PHF7: variants seen among roughly 807,000 people sequenced by gnomAD.
PHF7 encodes the protein PHD finger protein 7, also known as E3 ubiquitin-protein ligase PHF7.
In PHF7, 24 loss-of-function variants were observed where a neutral mutation model predicts 47.5. That is an observed-to-expected ratio of 0.51 (90% CI 0.37 to 0.71). The LOEUF is 0.71. Among genes scored for constraint, PHF7 ranks in the 30% least tolerant of loss-of-function variants. The pLI, the probability that PHF7 is intolerant of heterozygous loss-of-function variation, is 0.00. For missense variants in PHF7, 361 were observed against 456.8 expected (o/e 0.79, Z 1.91); for synonymous variants, 156 against 153.8 (o/e 1.01, Z -0.11).
intron 9 of PHF7, 159 bp downstream of exon 9, chr3:52,422,497 T>A: frequency 1.5e-6 from 1 of 667,752 alleles, no homozygotes; most frequent in Non-Finnish European, 2.7e-6. Context: ...CTCACTTGTG[T>A]GCACGTGAAC....
chr3:52,417,566 T>G (rs1705662388), intron 4 of PHF7, among the ~76,000 whole-genome samples: 1 of 152,256 alleles, frequency 6.6e-6, no homozygotes, highest in African/African-American at 2.4e-5. Flanking sequence ...TATTTTTATT[T>G]CATTTTTAAG....
rs1239248965 is a variant in PHF7, at chr3:52,423,262, A to G, written c.1091A>G (p.Tyr364Cys). Residue 364 changes from tyrosine to cysteine, a missense_variant, in exon 11 of 11, where the codon TAC (tyrosine) becomes TGC (cysteine). Physicochemically the swap from Tyr to Cys is radical, Grantham distance 194. Coordinates refer to ENST00000327906, the MANE Select transcript of PHF7 (RefSeq NM_016483.7). ...GAGTCCTCTCGTGGCAGGAGGAGCT[A>G]CTCCTGGAGGTCCAAGGGTGTCAGA... is the stretch of plus-strand genomic sequence containing the variant. ...KPESSRGRRS[Y>C]SWRSKGVRIT... 1 of 1,613,790 alleles carries G rather than the reference A, an allele frequency of 6.2e-7. No homozygotes were observed. The highest frequency in any genetic ancestry group is 1.3e-5 in the African/African-American group (1 of 74,882).
At chr3:52,414,666 T>C (rs1705566608) in intron 4 of PHF7, 79 bp downstream of exon 4, 1 of 774,690 alleles carries the variant, frequency 1.3e-6, no homozygotes, top group South Asian at 1.6e-5. Flanking sequence ...TTCATCCTCA[T>C]ATCCACAGCC....
chr3:52,422,094 T>G (rs1705807773), intron 8 of PHF7, 128 bp from the exon 9 acceptor site: 2 of 735,472 alleles, frequency 2.7e-6, no homozygotes, highest in Non-Finnish European at 5.0e-6. Flanking sequence ...CCAGCCTTGT[T>G]GGAAGTGTTC....
intron 1 of PHF7, among the ~76,000 whole-genome samples, chr3:52,411,972 T>C (rs566701633): frequency 6.6e-6 from 1 of 152,028 alleles, no homozygotes. Flanking sequence ...TCCCAGCACT[T>C]TGGGAGGCTG....
intron 3 of PHF7, 59 bp from the exon 4 acceptor site, chr3:52,414,437 C>T (rs986216543): frequency 3.2e-6 from 3 of 935,312 alleles, no homozygotes; most frequent in East Asian, 2.4e-5. Flanking sequence ...ACATTCTCAC[C>T]CTTCTCTTCC....
intron 9 of PHF7, 176 bp from the exon 10 acceptor site, chr3:52,422,584 C>T: frequency 1.4e-6 from 1 of 708,564 alleles, no homozygotes. Context: ...CCTAATCTAC[C>T]TTTCAAGGGG....
chr3:52,414,480 G>C lies in PHF7; in HGVS notation c.95-16G>C. 6.6e-7 allele frequency: 1 copy of C among 1,510,920 alleles called. No individual in the cohort carries two copies. 93.6% of individuals were successfully genotyped at this position (1,510,920 alleles called of 1,614,324 possible). A position where few individuals can be genotyped will look rare whatever the true frequency, so the allele number is the denominator to read the frequency against. ...ATGGTCAATTTGAGCCAAATTCTGGGTGTCCTCTCTTCCAGTTTGCTGGCT... is the reference window on the plus strand; with the variant it reads ...ATGGTCAATTTGAGCCAAATTCTGGCTGTCCTCTCTTCCAGTTTGCTGGCT... On this transcript the variant is annotated splice_polypyrimidine_tract_variant and intron_variant, in intron 3 of 10. Transcript: ENST00000327906.
At chr3:52,412,388 T>G in intron 1 of PHF7, among the ~76,000 whole-genome samples, 1 of 152,184 alleles carries the variant, frequency 6.6e-6, no homozygotes, top group Non-Finnish European at 1.5e-5. Context: ...AAGGAGCCTT[T>G]TTTTCCTGAG....
intron 2 of PHF7, among the ~76,000 whole-genome samples, chr3:52,413,668 C>T (rs1705532874): frequency 6.6e-6 from 1 of 152,192 alleles, no homozygotes; most frequent in African/African-American, 2.4e-5. Context: ...AACCCCGTCT[C>T]TACTAAAAAT....
chr3:52,420,971 T>A lies in PHF7; in HGVS notation c.482T>A (p.Ile161Asn), dbSNP rs994024594. 4 of 1,613,684 alleles carry A rather than the reference T, an allele frequency of 2.5e-6. No homozygotes were observed. The Admixed American group carries it at 6.7e-5, about 27-fold the overall frequency. Residue 161 changes from isoleucine (I) to asparagine (N), a missense_variant, in exon 7 of 11, where the codon ATC becomes AAC. By Grantham distance (149) the Ile-to-Asn change is moderately radical (BLOSUM62 -3). Coordinates refer to ENST00000327906, the MANE Select transcript of PHF7 (RefSeq NM_016483.7). ...QHGHVGEESCILCCEDLSQQS... is the reference protein window; with the variant it reads ...QHGHVGEESCNLCCEDLSQQS... ...GGGCATGTGGGGGAGGAAAGCTGCA[T>A]CTTATGTTGTGAAGACTTATCCCAA...
In PHF7 at chr3:52,423,570, T is replaced by TA. The variant is rs1705864170; in HGVS notation, c.*255dup. 2.5e-6 allele frequency: 1 copy of TA among 394,628 alleles called. No homozygotes were observed. Among genetic ancestry groups the TA allele is most frequent in the African/African-American group, 2.0e-5 (1 of 49,620 alleles). 24.4% of individuals were successfully genotyped at this position (394,628 alleles called of 1,614,324 possible). ...CCTCCCACCAAGGATTCTTCCACCT[T>TA]AATCTTGTTTTCATATGCCTCTTCT... On this transcript the variant is annotated 3_prime_UTR_variant, in exon 11 of 11. Transcript: ENST00000327906.
chr3:52,414,746 C>T (rs562444689), intron 4 of PHF7, 159 bp downstream of exon 4: 19 of 389,912 alleles, frequency 4.9e-5, no homozygotes, highest in African/African-American at 1.7e-4. Flanking sequence ...CAGTGGCTCA[C>T]GCCTGTAATC....
intron 6 of PHF7, 29 bp downstream of exon 6, chr3:52,420,464 T>C: frequency 6.2e-7 from 1 of 1,612,042 alleles, no homozygotes; most frequent in Non-Finnish European, 8.5e-7. Context: ...AAGTCTGGCT[T>C]CCTTTTTGCA....
chr3:52,423,082 TC>T lies in PHF7; in HGVS notation c.920-8del. 6.3e-7 allele frequency: 1 copy of T among 1,593,624 alleles called. No individual in the cohort carries two copies. The highest frequency in any genetic ancestry group is 8.6e-7 in the Non-Finnish European group (1 of 1,161,586). Reference sequence around the variant, plus strand: ...CTTGAGTTTTCCTCTCCTGCCTTTCTCTCACCAGACTACATACCTGAAAACT... The same window carrying T: ...CTTGAGTTTTCCTCTCCTGCCTTTCTTCACCAGACTACATACCTGAAAACT... On this transcript the variant is annotated splice_region_variant and splice_polypyrimidine_tract_variant and intron_variant, in intron 10 of 10. Coordinates refer to ENST00000327906, the MANE Select transcript of PHF7 (RefSeq NM_016483.7).
chr3:52,422,533 A>C (rs1705823234), intron 9 of PHF7, 195 bp downstream of exon 9: 2 of 648,688 alleles, frequency 3.1e-6, no homozygotes, highest in Non-Finnish European at 5.5e-6. Flanking sequence ...GGTCCGCTTC[A>C]CCTTGTGCCC....
chr3:52,419,870 A>G lies in PHF7; in HGVS notation c.224A>G (p.Asn75Ser), dbSNP rs1446282679. 1 of 1,609,950 alleles carries G rather than the reference A, an allele frequency of 6.2e-7. No individual in the cohort carries two copies. The highest frequency in any genetic ancestry group is 1.3e-5 in the African/African-American group (1 of 74,970). ...SSKLPQRGQS[N>S]RGFHGFLPED... is the part of the protein sequence containing the mutation. The stretch of plus-strand genomic sequence containing the variant: ...AAGCTGCCTCAGAGGGGCCAGTCCA[A>G]CAGAGGCTTCCATGGATTTCTGCCT... Residue 75 changes from asparagine to serine, a missense_variant, in exon 5 of 11, where the codon AAC (asparagine) becomes AGC (serine). Physicochemically the swap from Asn to Ser is conservative, Grantham distance 46. Transcript: ENST00000327906.
At chr3:52,415,010 A>G (rs774335130) in intron 4 of PHF7, among the ~76,000 whole-genome samples, 1 of 152,152 alleles carries the variant, frequency 6.6e-6, no homozygotes, top group African/African-American at 2.4e-5. Flanking sequence ...AAAGAAAAAT[A>G]TATGTGTCTG....
rs878970676 is a variant in PHF7 at position 52,423,583 on chromosome 3, A to T, written c.*266A>T. 82 of 361,068 alleles carry T rather than the reference A, an allele frequency of 2.3e-4. No individual in the cohort carries two copies. Among genetic ancestry groups the T allele is most frequent in the Non-Finnish European group, 3.6e-4 (72 of 198,188 alleles). The allele number at this position is 361,068 out of a possible 1,614,324, so 22.4% of individuals were successfully genotyped here. ...ATTCTTCCACCTTAATCTTGTTTTC[A>T]TATGCCTCTTCTTACTTCACCCATG... is the stretch of plus-strand genomic sequence containing the variant. On this transcript the variant is annotated 3_prime_UTR_variant, in exon 11 of 11. Transcript: ENST00000327906.
Sources: allele counts gnomAD v4.1 joint callset (sites outside exome capture counted in the v4.1 genomes callset), GRCh38; gene constraint gnomAD v4.1.1; transcripts MANE v1.5; gene names NCBI Gene and HGNC (gene_info 2026-07-23, HGNC 2026-07-21).